Variants in LBR observed in about 807,000 individuals in gnomAD.
The protein encoded by LBR is delta(14)-sterol reductase LBR.
A neutral mutation model predicts 74.3 loss-of-function variants in LBR; 28 were observed. The observed-to-expected ratio is 0.38, with a 90% CI of 0.28 to 0.52. The LOEUF (loss-of-function observed/expected upper bound fraction) is 0.52. Among genes scored for constraint, LBR ranks in the 20% least tolerant of loss-of-function variants. LBR has a pLI of 0.89. For missense variants in LBR, 717 were observed against 760.3 expected, an observed-to-expected ratio of 0.94 and a Z score of 0.67; for synonymous variants, 228 against 269.3, an observed-to-expected ratio of 0.85 and a Z score of 1.50.
At chr1:225,404,600 T>C (rs1256104371) in intron 12 of LBR, 26 bp downstream of exon 12, 11 of 1,574,334 alleles carry the variant, frequency 7.0e-6, no homozygotes, top group East Asian at 2.3e-5. Flanking sequence ...GTAATATATA[T>C]AATATAAACA....
At chr1:225,410,253 C>T (rs756079279) in intron 10 of LBR, 38 bp downstream of exon 10, 2 of 1,612,372 alleles carry the variant, frequency 1.2e-6, no homozygotes, top group African/African-American at 1.3e-5. Context: ...CACTCAAAGC[C>T]ATCTGACTCC....
chr1:225,418,304 T>C, intron 5 of LBR, 124 bp from the exon 6 acceptor site: 2 of 1,036,760 alleles, frequency 1.9e-6, no homozygotes, highest in East Asian at 2.6e-5. Context: ...CAATTTCTAA[T>C]GTACCATCAA....
intron 10 of LBR, among the ~76,000 whole-genome samples, chr1:225,409,141 G>A (rs910522504): frequency 1.4e-5 from 2 of 137,992 alleles, no homozygotes; most frequent in Non-Finnish European, 3.2e-5. Context: ...ATTTTGGGTC[G>A]ACGTGGAATT....
At chr1:225,417,229 C>G (rs17558203) in intron 6 of LBR, among the ~76,000 whole-genome samples, 14,822 of 152,238 alleles carry the variant, frequency 0.097, 833 homozygotes, top group South Asian at 0.14. Context: ...CAGCTCTACC[C>G]TCCTATCACT....
chr1:225,422,304 C>T, intron 2 of LBR, 27 bp from the exon 3 acceptor site: 1 of 1,580,688 alleles, frequency 6.3e-7, no homozygotes, highest in African/African-American at 1.3e-5. Flanking sequence ...AGGCAAAGAG[C>T]TTTACCACAA....
At chr1:225,414,323 C>A in intron 7 of LBR, 2 of 339,340 alleles carry the variant, frequency 5.9e-6, no homozygotes, top group Non-Finnish European at 5.9e-6. Context: ...AGTCTCTAAA[C>A]AAAGTATCCA....
At chr1:225,422,596 A>G (rs2096129834) in intron 2 of LBR, among the ~76,000 whole-genome samples, 1 of 152,144 alleles carries the variant, frequency 6.6e-6, no homozygotes. Flanking sequence ...CATGGATTAA[A>G]ACTGAGACGA....
chr1:225,423,449 AC>A (rs1219187128), intron 2 of LBR, among the ~76,000 whole-genome samples: 1 of 140,142 alleles, frequency 7.1e-6, no homozygotes, highest in South Asian at 2.3e-4. Context: ...CTCCCCTACC[AC>A]CCCCTTCCAG....
At chr1:225,416,214 AG>A (rs1174736222) in intron 6 of LBR, among the ~76,000 whole-genome samples, 1 of 128,746 alleles carries the variant, frequency 7.8e-6, no homozygotes, top group African/African-American at 2.8e-5. Flanking sequence ...AAAAAAAAAA[AG>A]AGAGAGAGAG....
Position 225,404,348 on chromosome 1 carries a change from C to T in LBR, c.1687+56G>A. 38 of 1,611,670 alleles carry T rather than the reference C, an allele frequency of 2.4e-5. No homozygotes were observed. The South Asian group carries it at 4.0e-4, about 17-fold the overall frequency. On this transcript the variant is annotated intron_variant, in intron 13 of 13. Transcript: ENST00000272163. The stretch of plus-strand genomic sequence containing the variant: ...CACTGTCCCACACAAAGGACACACA[C>T]ACACATCTTTCTGGCGGCTAAAAGG...
chr1:225,412,133 T>C (rs1417063460), intron 8 of LBR, among the ~76,000 whole-genome samples: 1 of 152,204 alleles, frequency 6.6e-6, no homozygotes, highest in Non-Finnish European at 1.5e-5. Context: ...GTTTTTTGTT[T>C]TTTAAAGAGT....
At chr1:225,420,210 T>G (rs2096125216) in intron 3 of LBR, among the ~76,000 whole-genome samples, 1 of 151,348 alleles carries the variant, frequency 6.6e-6, no homozygotes, top group South Asian at 2.1e-4. Context: ...CTTCGGAAGC[T>G]GAGGCAGGAA....
rs181244136 is a variant in LBR at position 225,401,998 on chromosome 1, G to C, written c.*1305C>G. On this transcript the variant is annotated 3_prime_UTR_variant, in exon 14 of 14. Transcript: ENST00000272163. ...TACATTCCCCTACATTGAAAGTACT[G>C]AGAACAATTTAACTCTGAACACAAA... is the stretch of plus-strand genomic sequence containing the variant. The C allele has an allele frequency of 5.9e-5, 9 of 152,282 alleles. No individual in the cohort carries two copies. In the East Asian group the frequency reaches 1.7e-3, roughly 29 times the overall value. The allele number at this position is 152,282 out of a possible 1,614,324, so 9.4% of individuals were successfully genotyped here. A position where few individuals can be genotyped will look rare whatever the true frequency, so the allele number is the denominator to read the frequency against.
chr1:225,403,335 C>T lies in LBR; in HGVS notation c.1816G>A (p.Val606Met). 2.5e-6 allele frequency: 4 copies of T among 1,613,402 alleles called. No individual in the cohort carries two copies. The highest frequency in any genetic ancestry group is 3.4e-6 in the Non-Finnish European group (4 of 1,179,942). ...ATGTATGGAAATATACGGTAGGGCACACGCTGACAGTACTTTTCCCAAGCC... is the reference window on the plus strand; with the variant it reads ...ATGTATGGAAATATACGGTAGGGCATACGCTGACAGTACTTTTCCCAAGCC... ...GVAWEKYCQR[V>M]PYRIFPYIY Residue 606 changes from valine (V) to methionine (M), a missense_variant, in exon 14 of 14, where the codon GTG becomes ATG. Coordinates refer to ENST00000272163, the MANE Select transcript of LBR (RefSeq NM_002296.4).
At position 225,410,555 on chromosome 1, in the gene LBR, T is replaced by A; in HGVS notation, c.1189-139A>T. 9.6e-6 allele frequency: 8 copies of A among 834,986 alleles called. No individual in the cohort carries two copies. The South Asian group carries it at 1.1e-4, about 12-fold the overall frequency. The allele number at this position is 834,986 out of a possible 1,614,324, so 51.7% of individuals were successfully genotyped here. A position where few individuals can be genotyped will look rare whatever the true frequency, so the allele number is the denominator to read the frequency against. Reference sequence around the variant, plus strand: ...CCTACCCGCCACCAGGAATAAGACATCTCAGCACCATGGGCCCCTGGACCC... The same window carrying A: ...CCTACCCGCCACCAGGAATAAGACAACTCAGCACCATGGGCCCCTGGACCC... On this transcript the variant is annotated intron_variant, in intron 9 of 13. Transcript: ENST00000272163.
In LBR at chr1:225,422,942, T is replaced by C. The variant is rs185879295; in HGVS notation, c.166-665A>G. ...AATTCAAATTTCACTGTCCATAAAGTTGTACTGGAACACTGCCATGTCTGC... is the reference window on the plus strand; with the variant it reads ...AATTCAAATTTCACTGTCCATAAAGCTGTACTGGAACACTGCCATGTCTGC... On this transcript the variant is annotated intron_variant, in intron 2 of 13. Coordinates refer to ENST00000272163, the MANE Select transcript of LBR (RefSeq NM_002296.4). 2.3e-4 allele frequency among the ~76,000 whole-genome samples: 35 copies of C among 152,316 alleles called. No individual in the cohort carries two copies. The East Asian group carries it at 2.7e-3, about 12-fold the overall frequency.
chr1:225,422,325 A>G (rs778000359), intron 2 of LBR, 48 bp from the exon 3 acceptor site: 8 of 1,447,698 alleles, frequency 5.5e-6, no homozygotes, highest in Middle Eastern at 2.3e-4. Context: ...ATCATAACAC[A>G]TACAGACAGA....
rs570423604 is a variant in LBR, at chr1:225,425,257, A to C, written c.-14-1168T>G. ...GGCGGGGTGAGGGAGGCCTTTCTTA[A>C]CCACCACATTTTTTCACTGTTAATC... On this transcript the variant is annotated intron_variant, in intron 1 of 13. Coordinates refer to ENST00000272163, the MANE Select transcript of LBR (RefSeq NM_002296.4). 8.5e-5 allele frequency among the ~76,000 whole-genome samples: 13 copies of C among 152,204 alleles called. No individual in the cohort carries two copies. In the East Asian group the frequency reaches 1.9e-3, roughly 23 times the overall value.
At chr1:225,404,256 G>C (rs888952177) in intron 13 of LBR, 148 bp downstream of exon 13, 9 of 952,022 alleles carry the variant, frequency 9.5e-6, no homozygotes, top group Admixed American at 6.6e-5. Flanking sequence ...GAAGCCAGAG[G>C]AGCTTCTACA....
Sources: gnomAD v4.1 joint callset for allele counts (sites outside exome capture counted in the v4.1 genomes callset) on GRCh38, gnomAD v4.1.1 for gene constraint, MANE v1.5 for transcripts, NCBI Gene and HGNC (gene_info 2026-07-23, HGNC 2026-07-21) for gene names.